BAZ2B: variants seen among roughly 807,000 people sequenced by gnomAD.
BAZ2B encodes the protein bromodomain adjacent to zinc finger domain protein 2B.
A neutral mutation model predicts 246.0 loss-of-function variants in BAZ2B; 91 were observed. The observed-to-expected ratio is 0.37, with a 90% confidence interval of 0.31 to 0.44. BAZ2B has a LOEUF of 0.44. Ranked by LOEUF, BAZ2B falls within the 20% of genes least tolerant of loss-of-function variation. The pLI is 1.00. For missense variants in BAZ2B, 2,332 were observed against 2,533.7 expected, an observed-to-expected ratio of 0.92 and a Z score of 1.71; for synonymous variants, 855 against 860.0, an observed-to-expected ratio of 0.99 and a Z score of 0.10.
intron 3 of BAZ2B, among the ~76,000 whole-genome samples, chr2:159,455,767 T>G (rs944468946): frequency 3.5e-5 from 5 of 141,540 alleles, no homozygotes; most frequent in Non-Finnish European, 7.9e-5. Context: ...ATTGTGGTTT[T>G]TTTTTTTTTT....
intron 2 of BAZ2B, among the ~76,000 whole-genome samples, chr2:159,515,979 G>C (rs1216681490): frequency 6.6e-6 from 1 of 151,914 alleles, no homozygotes; most frequent in Non-Finnish European, 1.5e-5. Flanking sequence ...GCAAGAAAGT[G>C]GCAGCTTAAT....
At chr2:159,391,496 CTACTAGT>C (rs1490062118) in intron 20 of BAZ2B, among the ~76,000 whole-genome samples, 1 of 152,116 alleles carries the variant, frequency 6.6e-6, no homozygotes, top group African/African-American at 2.4e-5. Flanking sequence ...ATAATTGAGA[CTACTAGT>C]TACTAAAGTT....
At chr2:159,668,935 G>A in the BAZ2B span, among the ~76,000 whole-genome samples, 36 of 151,956 alleles carry the variant, frequency 2.4e-4, no homozygotes, top group Non-Finnish European at 3.4e-4. Flanking sequence ...GCATGCCTGT[G>A]ATTCAGGCTA....
At chr2:159,455,762 GGTT>G (rs1378811452) in intron 3 of BAZ2B, among the ~76,000 whole-genome samples, 2,174 of 96,942 alleles carry the variant, frequency 0.022, 8 homozygotes, top group Middle Eastern at 0.076. Context: ...GAAATATTGT[GGTT>G]TTTTTTTTTT....
At chr2:159,659,514 G>A in the BAZ2B span, among the ~76,000 whole-genome samples, 2 of 152,144 alleles carry the variant, frequency 1.3e-5, 1 homozygote, top group Middle Eastern at 6.3e-3. Flanking sequence ...AAAACTGGGG[G>A]TTTTCCCCAC....
intron 4 of BAZ2B, among the ~76,000 whole-genome samples, chr2:159,452,951 T>G (rs1237190102): frequency 7.2e-5 from 11 of 152,086 alleles, no homozygotes; most frequent in Admixed American, 7.2e-4. Flanking sequence ...AATACAAAAA[T>G]TAGCCAGACA....
chr2:159,577,952 T>C (rs1296441648), intron 1 of BAZ2B, among the ~76,000 whole-genome samples: 1 of 152,174 alleles, frequency 6.6e-6, no homozygotes, highest in Admixed American at 6.5e-5. Flanking sequence ...GAAAGCTACA[T>C]CAAATTGTCT....
chr2:159,694,863 G>A, the BAZ2B span: 2 of 152,128 alleles, frequency 1.3e-5, no homozygotes, highest in Non-Finnish European at 2.9e-5. Flanking sequence ...TGAGTCATAT[G>A]GTAACTATAA....
At chr2:159,534,826 C>T (rs370142452) in intron 2 of BAZ2B, among the ~76,000 whole-genome samples, 67 of 152,158 alleles carry the variant, frequency 4.4e-4, no homozygotes, top group African/African-American at 1.4e-3. Context: ...AGGTTGGTCT[C>T]GAATTCCTGA....
At chr2:159,554,899 TTAAAA>T (rs997213783) in intron 2 of BAZ2B, among the ~76,000 whole-genome samples, 28 of 152,154 alleles carry the variant, frequency 1.8e-4, no homozygotes, top group African/African-American at 5.1e-4. Context: ...AAATTAACAC[TTAAAA>T]TAAAATTAAA....
At chr2:159,536,967 G>A (rs2086071418) in intron 2 of BAZ2B, among the ~76,000 whole-genome samples, 1 of 152,138 alleles carries the variant, frequency 6.6e-6, no homozygotes, top group Non-Finnish European at 1.5e-5. Flanking sequence ...ACTTTAAAAT[G>A]TCGATATCAC....
intron 1 of BAZ2B, among the ~76,000 whole-genome samples, chr2:159,574,044 G>T (rs1325014230): frequency 6.6e-6 from 1 of 151,990 alleles, no homozygotes; most frequent in East Asian, 1.9e-4. Context: ...AGCCTACAGT[G>T]AGCCATGATG....
chr2:159,321,083 G>A (rs925027128), intron 36 of BAZ2B, among the ~76,000 whole-genome samples: 2 of 152,134 alleles, frequency 1.3e-5, no homozygotes, highest in Admixed American at 6.5e-5. Flanking sequence ...CTTTTCTGGC[G>A]GGATAAGCCC....
At chr2:159,443,494 T>A (rs1426556676) in intron 6 of BAZ2B, among the ~76,000 whole-genome samples, 1 of 152,140 alleles carries the variant, frequency 6.6e-6, no homozygotes, top group Non-Finnish European at 1.5e-5. Context: ...AGCAACTTTT[T>A]AAAAAAGTTT....
At chr2:159,669,148 G>C in the BAZ2B span, among the ~76,000 whole-genome samples, 3 of 151,974 alleles carry the variant, frequency 2.0e-5, no homozygotes, top group Non-Finnish European at 4.4e-5. Context: ...TTGATCTGTT[G>C]TATTTTCATT....
At chr2:159,499,979 CTGATGATAGTTT>C (rs1458342204) in intron 2 of BAZ2B, among the ~76,000 whole-genome samples, 11 of 152,164 alleles carry the variant, frequency 7.2e-5, no homozygotes, top group Admixed American at 1.3e-4. Flanking sequence ...TCTGTTCACT[CTGATGATAGTTT>C]CTTTTACTGT....
intron 14 of BAZ2B, chr2:159,411,976 C>A: frequency 1.0e-6 from 1 of 985,282 alleles, no homozygotes; most frequent in Non-Finnish European, 1.2e-6. Flanking sequence ...TTCCCATGTA[C>A]CACCTCAAGG....
chr2:159,384,359 T>A (rs1197177332), intron 23 of BAZ2B, among the ~76,000 whole-genome samples: 3 of 152,040 alleles, frequency 2.0e-5, no homozygotes, highest in Non-Finnish European at 4.4e-5. Flanking sequence ...AGGATGACTG[T>A]CAGTGAATAG....
At chr2:159,707,738 A>T in the BAZ2B span, among the ~76,000 whole-genome samples, 1 of 152,124 alleles carries the variant, frequency 6.6e-6, no homozygotes, top group East Asian at 1.9e-4. Context: ...GAGGAAGGAG[A>T]ATCGCTTGAA....
Sources: allele counts gnomAD v4.1 joint callset (sites outside exome capture counted in the v4.1 genomes callset), GRCh38; gene constraint gnomAD v4.1.1; transcripts MANE v1.5; gene names NCBI Gene and HGNC (gene_info 2026-07-23, HGNC 2026-07-21).